MYPN: variants seen among roughly 807,000 people sequenced by gnomAD.
The protein encoded by MYPN is myopalladin.
In MYPN, 63 loss-of-function variants were observed where a neutral mutation model predicts 129.4. The observed-to-expected ratio is 0.49, with a 90% CI of 0.40 to 0.60. The LOEUF (loss-of-function observed/expected upper bound fraction) is 0.60, where lower values mean the gene tolerates loss of function less well. MYPN is among the 20% of genes least tolerant of loss of function. MYPN has a pLI of 0.00. For synonymous variants in MYPN, 629 were observed against 600.9 expected, an observed-to-expected ratio of 1.05 and a Z score of -0.68; for missense variants, 1,596 against 1,635.4, an observed-to-expected ratio of 0.98 and a Z score of 0.42.
intron 2 of MYPN, among the ~76,000 whole-genome samples, chr10:68,123,334 G>A (rs574296735): frequency 3.3e-5 from 5 of 151,830 alleles, no homozygotes; most frequent in African/African-American, 4.8e-5. Context: ...AGCCGAGATC[G>A]CACCACTGCA....
intron 1 of MYPN, among the ~76,000 whole-genome samples, chr10:68,116,130 G>A (rs368266486): frequency 6.6e-6 from 1 of 152,110 alleles, no homozygotes; most frequent in African/African-American, 2.4e-5. Context: ...CTAGAACAGT[G>A]CCTGGCACAT....
rs528632879 is a variant in MYPN at position 68,156,671 on chromosome 10, T to C, written c.1318-1815T>C. ...CAGCCCCATATTCTCCTTAGGTAAA[T>C]GCTATTAAGTACGATAGGACCAAGT... is the stretch of plus-strand genomic sequence containing the variant. On this transcript the variant is annotated intron_variant, in intron 6 of 19. Coordinates refer to ENST00000358913, the MANE Select transcript of MYPN (RefSeq NM_032578.4). 4.6e-5 allele frequency among the ~76,000 whole-genome samples: 7 copies of C among 152,336 alleles called. No individual in the cohort carries two copies. In the East Asian group the frequency reaches 1.3e-3, roughly 29 times the overall value.
At chr10:68,098,252 A>G (rs2041966379) in intron 1 of MYPN, among the ~76,000 whole-genome samples, 1 of 151,984 alleles carries the variant, frequency 6.6e-6, no homozygotes, top group Non-Finnish European at 1.5e-5. Context: ...TCTCCAAAAA[A>G]AAGATCTCAA....
intron 1 of MYPN, among the ~76,000 whole-genome samples, chr10:68,098,831 A>G (rs181132262): frequency 1.3e-5 from 2 of 151,922 alleles, no homozygotes; most frequent in African/African-American, 4.9e-5. Context: ...CGACAAGAGC[A>G]AGACTCTGTC....
chr10:68,182,358 AACACATATATATAACATATATAAC>A (rs1339967316), intron 12 of MYPN, among the ~76,000 whole-genome samples: 1,145 of 96,284 alleles, frequency 0.012, 90 homozygotes, highest in East Asian at 0.029. Context: ...ACATATATAT[AACACATATATATAACATATATAAC>A]ACATATATAA....
At position 68,157,489 on chromosome 10, in the gene MYPN, TA is replaced by T. The variant is rs142288373; in HGVS notation, c.1318-994del. On this transcript the variant is annotated intron_variant, in intron 6 of 19. Transcript: ENST00000358913. The stretch of plus-strand genomic sequence containing the variant: ...ATCTAGTAGATACTCACTGCAAATT[TA>T]AATATTATTATTATTTCTGGAAATC... Among the ~76,000 whole-genome samples the T allele has an allele frequency of 2.0e-5, 3 of 152,022 alleles. No homozygotes were observed. The East Asian group carries it at 5.8e-4, about 29-fold the overall frequency.
chr10:68,132,057 C>G (rs1011557196), intron 2 of MYPN, among the ~76,000 whole-genome samples: 12 of 152,106 alleles, frequency 7.9e-5, no homozygotes, highest in African/African-American at 2.7e-4. Flanking sequence ...CAATGTTGGA[C>G]AGAAGTGTCT....
chr10:68,164,735 C>T (rs929802142), intron 8 of MYPN, among the ~76,000 whole-genome samples: 5 of 152,148 alleles, frequency 3.3e-5, no homozygotes, highest in East Asian at 1.9e-4. Flanking sequence ...TGTGGTTCTA[C>T]CTGGGAATCA....
chr10:68,106,236 A>T (rs1292508943), upstream of MYPN: 1 of 438,532 alleles, frequency 2.3e-6, no homozygotes, highest in Non-Finnish European at 4.5e-6. Flanking sequence ...TGTTCTGTTT[A>T]GTTTTTAAAA....
At chr10:68,143,210 C>A in intron 3 of MYPN, 95 bp downstream of exon 3, 4 of 1,218,708 alleles carry the variant, frequency 3.3e-6, no homozygotes, top group Non-Finnish European at 4.7e-6. Flanking sequence ...ACCATGCGCT[C>A]TTCTAGGCAA....
chr10:68,172,772 C>A (rs2043162263), intron 10 of MYPN, among the ~76,000 whole-genome samples: 1 of 152,084 alleles, frequency 6.6e-6, no homozygotes, highest in Non-Finnish European at 1.5e-5. Context: ...AAAGTGAGTT[C>A]TATTAATAAT....
chr10:68,137,806 A>G (rs1325468328), intron 2 of MYPN, among the ~76,000 whole-genome samples: 4 of 152,124 alleles, frequency 2.6e-5, no homozygotes, highest in Non-Finnish European at 2.9e-5. Context: ...GTTTTGAGAA[A>G]ATGTCTGCTG....
chr10:68,103,755 GC>G (rs924985042), upstream of MYPN, among the ~76,000 whole-genome samples: 4 of 152,158 alleles, frequency 2.6e-5, no homozygotes, highest in Non-Finnish European at 4.4e-5. Context: ...TTCAAAACCA[GC>G]CTGACTAACG....
chr10:68,173,948 T>A, intron 10 of MYPN, 118 bp from the exon 11 acceptor site: 1 of 868,490 alleles, frequency 1.2e-6, no homozygotes, highest in East Asian at 2.6e-5. Context: ...ATTACAGGCA[T>A]GAGCCACCAT....
At chr10:68,166,189 T>A in intron 9 of MYPN, 105 bp from the exon 10 acceptor site, 1 of 1,324,208 alleles carries the variant, frequency 7.6e-7, no homozygotes, top group South Asian at 1.2e-5. Context: ...ACAAGCATTT[T>A]CCCATTCATA....
Position 68,122,179 on chromosome 10 carries a change from T to G in MYPN, c.741T>G (p.Gly247=), listed in dbSNP as rs1589529211. ...EAEQAASEAA[G]GDTTPGSSPS... is the part of the protein sequence containing the mutation. ...AGCAGGCTGCCAGTGAGGCGGCTGG[T>G]GGAGACACTACACCAGGGTCTTCCC... The change falls in exon 2 of 20, where the codon GGT becomes GGG. Residue 247 remains glycine (G), a synonymous_variant. Coordinates refer to ENST00000358913, the MANE Select transcript of MYPN (RefSeq NM_032578.4). The G allele has an allele frequency of 6.2e-7, 1 of 1,610,744 alleles. No individual in the cohort carries two copies. The highest frequency in any genetic ancestry group is 1.7e-5 in the Admixed American group (1 of 59,654).
At chr10:68,170,648 T>C (rs1370032148) in intron 10 of MYPN, among the ~76,000 whole-genome samples, 2 of 152,216 alleles carry the variant, frequency 1.3e-5, no homozygotes, top group Admixed American at 1.3e-4. Context: ...CTGTCATTTT[T>C]AAACCTTGTA....
At chr10:68,092,162 A>C (rs2041934027) in intron 1 of MYPN, among the ~76,000 whole-genome samples, 1 of 152,142 alleles carries the variant, frequency 6.6e-6, no homozygotes, top group African/African-American at 2.4e-5. Flanking sequence ...AAACTGGTGA[A>C]AAAAATTTTA....
At chr10:68,137,413 A>C (rs900574069) in intron 2 of MYPN, among the ~76,000 whole-genome samples, 1 of 152,220 alleles carries the variant, frequency 6.6e-6, no homozygotes, top group African/African-American at 2.4e-5. Flanking sequence ...CCATATTAAA[A>C]TTAACTAGCA....
Sources: gnomAD v4.1 joint callset for allele counts (sites outside exome capture counted in the v4.1 genomes callset) on GRCh38, gnomAD v4.1.1 for gene constraint, MANE v1.5 for transcripts, NCBI Gene and HGNC (gene_info 2026-07-23, HGNC 2026-07-21) for gene names.